Variants in ASB1 observed in about 807,000 individuals in gnomAD.
The protein encoded by ASB1 is ankyrin repeat and SOCS box containing 1, also known as ankyrin repeat and SOCS box protein 1.
A neutral mutation model predicts 27.7 loss-of-function variants in ASB1; 18 were observed. That is an observed-to-expected ratio of 0.65 (90% CI 0.45 to 0.96). ASB1 has a LOEUF of 0.96. ASB1 is among the 50% of genes least tolerant of loss of function. The probability of loss-of-function intolerance (pLI) is 0.00; values close to 1 mark genes in which losing one functional copy is unlikely to be tolerated. For missense variants in ASB1, 397 were observed against 451.7 expected (o/e 0.88, Z 1.10); for synonymous variants, 189 against 187.6 (o/e 1.01, Z -0.06).
At chr2:238,430,833 G>C (rs1025460724) in intron 1 of ASB1, among the ~76,000 whole-genome samples, 5 of 151,346 alleles carry the variant, frequency 3.3e-5, no homozygotes, top group Non-Finnish European at 5.9e-5. Context: ...TATTGTCAGC[G>C]AGCAGTAGTA....
intron 3 of ASB1, among the ~76,000 whole-genome samples, chr2:238,441,625 A>T (rs972101063): frequency 1.3e-5 from 2 of 152,140 alleles, no homozygotes; most frequent in Admixed American, 1.3e-4. Flanking sequence ...CTGTGCTCGG[A>T]GGCTGCTCCG....
intron 2 of ASB1, among the ~76,000 whole-genome samples, chr2:238,434,718 C>A (rs1701934243): frequency 6.6e-6 from 1 of 152,202 alleles, no homozygotes; most frequent in East Asian, 1.9e-4. Flanking sequence ...CAAAGAAAAC[C>A]TTAATTCAAC....
intron 3 of ASB1, 90 bp downstream of exon 3, chr2:238,436,103 T>A: frequency 7.8e-7 from 1 of 1,277,160 alleles, no homozygotes; most frequent in Non-Finnish European, 1.0e-6. Flanking sequence ...AATTCGGCTC[T>A]TTAGATGACT....
intron 3 of ASB1, among the ~76,000 whole-genome samples, chr2:238,442,708 A>C (rs1460198387): frequency 6.6e-6 from 1 of 152,136 alleles, no homozygotes; most frequent in Non-Finnish European, 1.5e-5. Flanking sequence ...TCAGTTTGGA[A>C]TTTATTCCAG....
intron 1 of ASB1, among the ~76,000 whole-genome samples, chr2:238,432,594 G>C (rs1418301776): frequency 6.6e-6 from 1 of 152,142 alleles, no homozygotes; most frequent in Non-Finnish European, 1.5e-5. Context: ...CTCAGCCGTT[G>C]GATTTTGCCG....
intron 3 of ASB1, among the ~76,000 whole-genome samples, chr2:238,440,080 C>T (rs1479639050): frequency 2.0e-5 from 3 of 152,220 alleles, no homozygotes; most frequent in Non-Finnish European, 4.4e-5. Context: ...GTCCTTTTAA[C>T]ATGACCTTAG....
chr2:238,435,665 T>C, intron 2 of ASB1, 46 bp from the exon 3 acceptor site: 2 of 1,563,586 alleles, frequency 1.3e-6, no homozygotes, highest in Non-Finnish European at 1.7e-6. Flanking sequence ...AGCCCGTCCC[T>C]GTCCTGCGGC....
intron 2 of ASB1, among the ~76,000 whole-genome samples, 178 bp from the exon 3 acceptor site, chr2:238,435,533 C>T (rs995195847): frequency 6.6e-6 from 1 of 152,236 alleles, no homozygotes; most frequent in African/African-American, 2.4e-5. Context: ...AATGCCTGCC[C>T]TGCCATGCCC....
rs982720376 is a variant in ASB1 at position 238,444,448 on chromosome 2, G to A, written c.601G>A (p.Ala201Thr). ...LVVCPLYISA[A>T]YHNLQCFRLL... ...GGTCTGCCCCTTGTACATCAGCGCA[G>A]CCTACCACAACCTCCAGTGCTTCCG... The change falls in exon 4 of 5, where the codon GCC (alanine) becomes ACC (threonine). Residue 201 changes from alanine to threonine, a missense_variant. By Grantham distance (58) the Ala-to-Thr change is moderately conservative (BLOSUM62 0). Coordinates refer to ENST00000264607, the MANE Select transcript of ASB1 (RefSeq NM_001040445.3). 4.3e-6 allele frequency: 7 copies of A among 1,614,174 alleles called. No homozygotes were observed. Among genetic ancestry groups the A allele is most frequent in the Non-Finnish European group, 5.9e-6 (7 of 1,180,030 alleles).
chr2:238,431,010 C>T (rs1467724022), intron 1 of ASB1, among the ~76,000 whole-genome samples: 2 of 152,248 alleles, frequency 1.3e-5, no homozygotes, highest in African/African-American at 4.8e-5. Context: ...TTAAAGTCAC[C>T]AGCTGCGTTA....
chr2:238,435,627 CA>C, intron 2 of ASB1, 83 bp from the exon 3 acceptor site: 1 of 1,392,728 alleles, frequency 7.2e-7, no homozygotes, highest in Non-Finnish European at 9.7e-7. Context: ...GGACCGTGTC[CA>C]TGCTGCCAGG....
rs1701767899 is a variant in ASB1 at position 238,427,041 on chromosome 2, T to C, written c.-30T>C. 6.4e-6 allele frequency: 8 copies of C among 1,256,290 alleles called. No individual in the cohort carries two copies. In the East Asian group the frequency reaches 2.5e-4, roughly 40 times the overall value. The allele number at this position is 1,256,290 out of a possible 1,614,324, so 77.8% of individuals were successfully genotyped here. Reference sequence around the variant, plus strand: ...TTCCTGCCCGAGGGGCGTGCGCGGGTCAGGGGCGGCCGCGGAGGCGGAAGC... The same window carrying C: ...TTCCTGCCCGAGGGGCGTGCGCGGGCCAGGGGCGGCCGCGGAGGCGGAAGC... On this transcript the variant is annotated 5_prime_UTR_variant, in exon 1 of 5. Coordinates refer to ENST00000264607, the MANE Select transcript of ASB1 (RefSeq NM_001040445.3).
At chr2:238,441,426 C>T (rs537682793) in intron 3 of ASB1, among the ~76,000 whole-genome samples, 30 of 152,242 alleles carry the variant, frequency 2.0e-4, no homozygotes, top group African/African-American at 6.5e-4. Context: ...TGAGCCACCG[C>T]GCTTGGCCAA....
Position 238,452,065 on chromosome 2 carries a change from AAGG to A in ASB1, c.*5555_*5557del, listed in dbSNP as rs1256642528. The A allele has an allele frequency of 2.0e-5, 3 of 152,274 alleles. No individual in the cohort carries two copies. The highest frequency in any genetic ancestry group is 7.2e-5 in the African/African-American group (3 of 41,548). The allele number at this position is 152,274 out of a possible 1,614,324, so 9.4% of individuals were successfully genotyped here. On this transcript the variant is annotated 3_prime_UTR_variant, in exon 5 of 5. Coordinates refer to ENST00000264607, the MANE Select transcript of ASB1 (RefSeq NM_001040445.3). Reference sequence around the variant, plus strand: ...TGTTTGAAACCTGTGGCTTTCAAGCAAGGTACCGTTGTCCCCACAGTGTTCCGT... The same window carrying A: ...TGTTTGAAACCTGTGGCTTTCAAGCATACCGTTGTCCCCACAGTGTTCCGT...
intron 3 of ASB1, among the ~76,000 whole-genome samples, chr2:238,439,659 G>A (rs1333775996): frequency 1.3e-5 from 2 of 152,176 alleles, no homozygotes; most frequent in African/African-American, 4.8e-5. Flanking sequence ...CAAGAAAACA[G>A]GTGCCAACTC....
chr2:238,437,204 C>T (rs1398738883), intron 3 of ASB1, among the ~76,000 whole-genome samples: 5 of 151,618 alleles, frequency 3.3e-5, no homozygotes, highest in African/African-American at 7.3e-5. Context: ...TTTCTTTCCT[C>T]TTCCATTATA....
Position 238,427,063 on chromosome 2 carries a change from A to G in ASB1, c.-8A>G. 7.9e-7 allele frequency: 1 copy of G among 1,262,520 alleles called. No individual in the cohort carries two copies. The highest frequency in any genetic ancestry group is 1.0e-6 in the Non-Finnish European group (1 of 1,005,012). 78.2% of individuals were successfully genotyped at this position (1,262,520 alleles called of 1,614,324 possible). A position where few individuals can be genotyped will look rare whatever the true frequency, so the allele number is the denominator to read the frequency against. On this transcript the variant is annotated 5_prime_UTR_variant, in exon 1 of 5. Coordinates refer to ENST00000264607, the MANE Select transcript of ASB1 (RefSeq NM_001040445.3). ...GGGTCAGGGGCGGCCGCGGAGGCGG[A>G]AGCATCCATGGCGGAGGGCGGCAGC...
At position 238,446,896 on chromosome 2, in the gene ASB1, C is replaced by T. The variant is rs925826817; in HGVS notation, c.*385C>T. On this transcript the variant is annotated 3_prime_UTR_variant, in exon 5 of 5. Coordinates refer to ENST00000264607, the MANE Select transcript of ASB1 (RefSeq NM_001040445.3). ...TTTTCTACTTCTCAATTTGATGGTT[C>T]GATTAAAGCCTTCTAGTATCTCAAT... 52 of 195,320 alleles carry T rather than the reference C, an allele frequency of 2.7e-4. No individual in the cohort carries two copies. Among genetic ancestry groups the T allele is most frequent in the African/African-American group, 1.0e-3 (42 of 42,010 alleles). The allele number at this position is 195,320 out of a possible 1,614,324, so 12.1% of individuals were successfully genotyped here. A position where few individuals can be genotyped will look rare whatever the true frequency, so the allele number is the denominator to read the frequency against.
intron 3 of ASB1, among the ~76,000 whole-genome samples, chr2:238,441,735 C>T (rs187901377): frequency 6.6e-6 from 1 of 152,308 alleles, no homozygotes; most frequent in East Asian, 1.9e-4. Flanking sequence ...TTAGTGGACA[C>T]GTGGGTGGTT....
Sources: allele counts gnomAD v4.1 joint callset (sites outside exome capture counted in the v4.1 genomes callset), GRCh38; gene constraint gnomAD v4.1.1; transcripts MANE v1.5; gene names NCBI Gene and HGNC (gene_info 2026-07-23, HGNC 2026-07-21).